Variants in SH3GLB1 observed in about 807,000 individuals in gnomAD.
The protein encoded by SH3GLB1 is endophilin-B1.
Under a neutral mutation model 42.0 loss-of-function variants are expected in SH3GLB1, and 17 were observed. That is an observed-to-expected ratio of 0.40 (90% CI 0.28 to 0.61). The LOEUF is 0.61. Ranked by LOEUF, SH3GLB1 falls within the 20% of genes least tolerant of loss-of-function variation. The probability of loss-of-function intolerance (pLI) is 0.36; values close to 1 mark genes in which losing one functional copy is unlikely to be tolerated. For synonymous variants in SH3GLB1, 132 were observed against 146.6 expected (o/e 0.90, Z 0.72); for missense variants, 355 against 426.3 (o/e 0.83, Z 1.47).
intron 1 of SH3GLB1, among the ~76,000 whole-genome samples, chr1:86,711,152 G>A (rs1654188655): frequency 6.6e-6 from 1 of 151,992 alleles, no homozygotes; most frequent in Admixed American, 6.6e-5. Context: ...TACTTTTAGA[G>A]TATTACCCTT....
intron 1 of SH3GLB1, among the ~76,000 whole-genome samples, chr1:86,706,305 G>C (rs1653863813): frequency 6.6e-6 from 1 of 152,204 alleles, no homozygotes; most frequent in Non-Finnish European, 1.5e-5. Flanking sequence ...GGCCTAGAGA[G>C]ACCTTAAAAA....
chr1:86,737,719 A>C (rs1160771025), intron 7 of SH3GLB1, among the ~76,000 whole-genome samples: 2 of 152,248 alleles, frequency 1.3e-5, no homozygotes, highest in Non-Finnish European at 2.9e-5. Flanking sequence ...AAGGGAGCAG[A>C]AAAGCAATAT....
chr1:86,705,572 G>A (rs1653812165), intron 1 of SH3GLB1, among the ~76,000 whole-genome samples: 1 of 152,194 alleles, frequency 6.6e-6, no homozygotes, highest in Non-Finnish European at 1.5e-5. Flanking sequence ...TAGGGTTGGG[G>A]GGTTTTCACT....
chr1:86,739,616 A>ATCC (rs1319507256), intron 7 of SH3GLB1, among the ~76,000 whole-genome samples: 1 of 152,170 alleles, frequency 6.6e-6, no homozygotes, highest in African/African-American at 2.4e-5. Flanking sequence ...GAACAGAGGA[A>ATCC]TGAGGCAGTA....
chr1:86,705,325 G>C (rs970357063), intron 1 of SH3GLB1, among the ~76,000 whole-genome samples: 21 of 152,260 alleles, frequency 1.4e-4, no homozygotes, highest in African/African-American at 3.9e-4. Context: ...AGTCCTTTGC[G>C]GTAACCGAGA....
chr1:86,725,910 C>G (rs540445423), intron 5 of SH3GLB1, among the ~76,000 whole-genome samples: 62 of 152,176 alleles, frequency 4.1e-4, no homozygotes, highest in African/African-American at 1.5e-3. Flanking sequence ...TCCAAATTTA[C>G]TGGCATTTTC....
At chr1:86,706,685 C>CT (rs1558286686) in intron 1 of SH3GLB1, among the ~76,000 whole-genome samples, 1 of 152,110 alleles carries the variant, frequency 6.6e-6, no homozygotes. Context: ...TGCTCATTAC[C>CT]TATAATTCTA....
chr1:86,735,209 G>A, intron 7 of SH3GLB1, 30 bp downstream of exon 7: 12 of 1,465,688 alleles, frequency 8.2e-6, no homozygotes, highest in Non-Finnish European at 9.5e-6. Context: ...ATGTAAAGAG[G>A]AGAAATTCAG....
At chr1:86,732,686 CA>C (rs1395886698) in intron 5 of SH3GLB1, among the ~76,000 whole-genome samples, 1 of 152,108 alleles carries the variant, frequency 6.6e-6, no homozygotes, top group East Asian at 1.9e-4. Flanking sequence ...AAATTTTACT[CA>C]AACCTAGAAG....
At position 86,719,601 on chromosome 1, in the gene SH3GLB1, T is replaced by TGCAGGGACTGAGTTTGGC; in HGVS notation, c.310_327dup (p.Ala104_Gly109dup). Reference sequence around the variant, plus strand: ...AACTTTTGGGACAATATATGATTGATGCAGGGACTGAGTTTGGCCCAGGAA... The same window carrying TGCAGGGACTGAGTTTGGC: ...AACTTTTGGGACAATATATGATTGATGCAGGGACTGAGTTTGGCGCAGGGACTGAGTTTGGCCCAGGAA... On this transcript the variant is annotated inframe_insertion, in exon 3 of 9. Coordinates refer to ENST00000370558, the MANE Select transcript of SH3GLB1 (RefSeq NM_016009.5). The TGCAGGGACTGAGTTTGGC allele has an allele frequency of 6.2e-7, 1 of 1,610,956 alleles. No homozygotes were observed. Among genetic ancestry groups the TGCAGGGACTGAGTTTGGC allele is most frequent in the Non-Finnish European group, 8.5e-7 (1 of 1,178,438 alleles).
chr1:86,710,234 A>C (rs1424631919), intron 1 of SH3GLB1, among the ~76,000 whole-genome samples: 2 of 151,482 alleles, frequency 1.3e-5, no homozygotes, highest in Non-Finnish European at 2.9e-5. Context: ...AATCTATAAA[A>C]CTCTTTTAAA....
At chr1:86,725,962 A>T (rs1004122317) in intron 5 of SH3GLB1, among the ~76,000 whole-genome samples, 8 of 152,110 alleles carry the variant, frequency 5.3e-5, no homozygotes, top group Admixed American at 4.6e-4. Flanking sequence ...AAACAACAAA[A>T]CTTCCCTAAA....
At chr1:86,736,974 TAA>T (rs1355330924) in intron 7 of SH3GLB1, among the ~76,000 whole-genome samples, 11 of 152,310 alleles carry the variant, frequency 7.2e-5, no homozygotes, top group African/African-American at 2.6e-4. Context: ...ATAGTTGCAA[TAA>T]CAGTACCAAC....
intron 5 of SH3GLB1, chr1:86,730,502 GA>G (rs1251848484): frequency 2.3e-5 from 14 of 598,766 alleles, no homozygotes; most frequent in Non-Finnish European, 2.7e-5. Flanking sequence ...TCGCACAAAT[GA>G]ATTTTTTTTT....
Position 86,719,494 on chromosome 1 carries a change from A to G in SH3GLB1, c.215-13A>G, listed in dbSNP as rs757239112. ...TTTTTAGAAATCATTGGTAATTTTA[A>G]CCTTTCTCCTAGATGCCAGGATAGA... On this transcript the variant is annotated splice_polypyrimidine_tract_variant and intron_variant, in intron 2 of 8. Coordinates refer to ENST00000370558, the MANE Select transcript of SH3GLB1 (RefSeq NM_016009.5). 1.3e-6 allele frequency: 2 copies of G among 1,592,078 alleles called. No individual in the cohort carries two copies. The highest frequency in any genetic ancestry group is 2.3e-5 in the East Asian group (1 of 44,186).
intron 5 of SH3GLB1, chr1:86,728,504 T>C: frequency 6.7e-7 from 1 of 1,502,226 alleles, no homozygotes; most frequent in East Asian, 2.5e-5. Flanking sequence ...GTTGGCCTAC[T>C]GTGTTTTCTA....
chr1:86,711,713 ATTT>A (rs35029124), intron 1 of SH3GLB1, among the ~76,000 whole-genome samples: 1 of 152,044 alleles, frequency 6.6e-6, no homozygotes, highest in African/African-American at 2.4e-5. Context: ...TTAATTTAAA[ATTT>A]TTTGGTAACT....
At chr1:86,737,112 C>A (rs1053083943) in intron 7 of SH3GLB1, among the ~76,000 whole-genome samples, 1 of 152,058 alleles carries the variant, frequency 6.6e-6, no homozygotes, top group Non-Finnish European at 1.5e-5. Context: ...GAGGTAGGTA[C>A]TATTATTATC....
Position 86,719,441 on chromosome 1 carries a change from A to T in SH3GLB1, c.215-66A>T, listed in dbSNP as rs555350795. Reference sequence around the variant, plus strand: ...GATGATAAATGGCTGCTGATGGGGGAAAAAAACAATCTTCTAATTAGTTTT... The same window carrying T: ...GATGATAAATGGCTGCTGATGGGGGTAAAAAACAATCTTCTAATTAGTTTT... On this transcript the variant is annotated intron_variant, in intron 2 of 8. Coordinates refer to ENST00000370558, the MANE Select transcript of SH3GLB1 (RefSeq NM_016009.5). 139 of 1,451,608 alleles carry T rather than the reference A, an allele frequency of 9.6e-5. No individual in the cohort carries two copies. The African/African-American group carries it at 1.8e-3, about 19-fold the overall frequency. 89.9% of individuals were successfully genotyped at this position (1,451,608 alleles called of 1,614,324 possible). A position where few individuals can be genotyped will look rare whatever the true frequency, so the allele number is the denominator to read the frequency against.
Sources: gnomAD v4.1 joint callset for allele counts (sites outside exome capture counted in the v4.1 genomes callset) on GRCh38, gnomAD v4.1.1 for gene constraint, MANE v1.5 for transcripts, NCBI Gene and HGNC (gene_info 2026-07-23, HGNC 2026-07-21) for gene names.